RBBP8NL: variants seen among roughly 807,000 people sequenced by gnomAD.
The protein encoded by RBBP8NL is RBBP8 N-terminal like, also known as RBBP8 N-terminal-like protein.
Under a neutral mutation model 62.2 loss-of-function variants are expected in RBBP8NL, and 59 were observed. The ratio of observed to expected loss-of-function variants is 0.95; its 90% CI spans 0.77 to 1.18. The LOEUF (loss-of-function observed/expected upper bound fraction) is 1.18. Ranked by LOEUF, RBBP8NL falls within the 50% of genes most tolerant of loss-of-function variation. The pLI is 0.00. For missense variants in RBBP8NL, 896 were observed against 899.5 expected (o/e 1.00, Z 0.05); for synonymous variants, 412 against 394.1 (o/e 1.05, Z -0.54).
At chr20:62,422,453 C>T (rs1031556071) in intron 1 of RBBP8NL, among the ~76,000 whole-genome samples, 2 of 146,568 alleles carry the variant, frequency 1.4e-5, no homozygotes, top group East Asian at 2.0e-4. Context: ...AGGTGGTGGG[C>T]GTCTTTGGGG....
At chr20:62,417,817 C>T (rs546782034) in intron 3 of RBBP8NL, among the ~76,000 whole-genome samples, 5 of 86,602 alleles carry the variant, frequency 5.8e-5, no homozygotes, top group African/African-American at 2.4e-4. Context: ...GTCCTGTCCA[C>T]GCAACGCCCC....
At position 62,411,969 on chromosome 20, in the gene RBBP8NL, C is replaced by T. The variant is rs192252911; in HGVS notation, c.1876+655G>A. On this transcript the variant is annotated intron_variant, in intron 13 of 13. Transcript: ENST00000252998. ...AACCAGGGCCATACAATTAGGTGTT[C>T]AAAGTCTCTCATGGGCTCCTGGACC... Among the ~76,000 whole-genome samples the T allele has an allele frequency of 9.8e-5, 15 of 152,372 alleles. No homozygotes were observed. In the East Asian group the frequency reaches 2.5e-3, roughly 25 times the overall value.
At chr20:62,426,733 C>G (rs150959921) in intron 1 of RBBP8NL, among the ~76,000 whole-genome samples, 1 of 152,220 alleles carries the variant, frequency 6.6e-6, no homozygotes, top group African/African-American at 2.4e-5. Flanking sequence ...GCAGGGCCCC[C>G]GGGACAGCTG....
chr20:62,426,054 A>G (rs1230065900), intron 1 of RBBP8NL, among the ~76,000 whole-genome samples: 2 of 150,812 alleles, frequency 1.3e-5, no homozygotes, highest in Non-Finnish European at 3.0e-5. Flanking sequence ...CAGTGGTAGC[A>G]GTAGCAGTGG....
At chr20:62,418,957 G>A (rs969772864) in intron 2 of RBBP8NL, among the ~76,000 whole-genome samples, 4 of 152,172 alleles carry the variant, frequency 2.6e-5, no homozygotes, top group African/African-American at 9.7e-5. Context: ...CCTCCAGGTG[G>A]GTGTGGGTGC....
chr20:62,427,066 C>A (rs1291139105), intron 1 of RBBP8NL, among the ~76,000 whole-genome samples: 1 of 152,234 alleles, frequency 6.6e-6, no homozygotes, highest in Non-Finnish European at 1.5e-5. Flanking sequence ...ACCACCCTCA[C>A]CCCTGTGGCT....
chr20:62,415,450 G>A (rs759363914), intron 8 of RBBP8NL, 128 bp downstream of exon 8: 32 of 1,377,400 alleles, frequency 2.3e-5, no homozygotes, highest in South Asian at 3.7e-5. Flanking sequence ...GCTCCTGCCC[G>A]GGACAAAGGA....
intron 2 of RBBP8NL, 150 bp downstream of exon 2, chr20:62,419,437 G>A: frequency 1.3e-6 from 1 of 761,536 alleles, no homozygotes. Flanking sequence ...CTTGGGTCAG[G>A]ACTCCCCTGC....
chr20:62,413,490 G>A lies in RBBP8NL; in HGVS notation c.1586C>T (p.Thr529Ile), dbSNP rs1988482944. 6.6e-7 allele frequency: 1 copy of A among 1,510,406 alleles called. No homozygotes were observed. The highest frequency in any genetic ancestry group is 8.8e-7 in the Non-Finnish European group (1 of 1,136,346). 93.6% of individuals were successfully genotyped at this position (1,510,406 alleles called of 1,614,324 possible). A position where few individuals can be genotyped will look rare whatever the true frequency, so the allele number is the denominator to read the frequency against. ...AGGCCTCCCTGTGTCTTCATCTTCT[G>A]TACTGCCTGGAGAGGACAGGCTGAG... Reference protein sequence around the residue: ...SQLSLSSPGSTEDEDTGRPLP... With the variant: ...SQLSLSSPGSIEDEDTGRPLP... The change falls in exon 11 of 14, where the codon ACA (threonine) becomes ATA (isoleucine). Residue 529 changes from threonine to isoleucine, a missense_variant. Physicochemically the swap from Thr to Ile is moderately conservative, Grantham distance 89 (BLOSUM62 -1). Coordinates refer to ENST00000252998, the MANE Select transcript of RBBP8NL (RefSeq NM_080833.3).
Position 62,413,912 on chromosome 20 carries a change from T to G in RBBP8NL, c.1439A>C (p.Gln480Pro). Residue 480 changes from glutamine (Q) to proline (P), a missense_variant, in exon 10 of 14, where the codon CAG (glutamine) becomes CCG (proline). By Grantham distance (76) the Gln-to-Pro change is moderately conservative. Transcript: ENST00000252998. ...AHTASPEPPT[Q>P]SGPLTRSPQA... ...GGGACTGCGAGTCAGGGGTCCGGACTGGGTGGGTGGCTCGGGGCTGGCAGT... is the reference window on the plus strand; with the variant it reads ...GGGACTGCGAGTCAGGGGTCCGGACGGGGTGGGTGGCTCGGGGCTGGCAGT... The G allele has an allele frequency of 2.5e-6, 4 of 1,593,282 alleles. No homozygotes were observed.
In RBBP8NL at chr20:62,412,742, G is replaced by C. The variant is rs756730724; in HGVS notation, c.1758C>G (p.Ser586Arg). The C allele has an allele frequency of 6.2e-6, 10 of 1,612,162 alleles. No homozygotes were observed. In the African/African-American group the frequency reaches 9.3e-5, roughly 15 times the overall value. Residue 586 changes from serine to arginine, a missense_variant, in exon 13 of 14, where the codon AGC (serine) becomes AGG (arginine). By Grantham distance (110) the Ser-to-Arg change is moderately radical. Transcript: ENST00000252998. ...TGCTCGTAGTGGCCTCCGCCTGGGA[G>C]CTCAGGCCCACCTGGGGAGAAGGGG... ...TDTPGSEVGL[S>R]SQAEATTSTT...
At chr20:62,417,086 T>G (rs1034221038) in intron 4 of RBBP8NL, 138 bp downstream of exon 4, 2 of 716,584 alleles carry the variant, frequency 2.8e-6, no homozygotes, top group Non-Finnish European at 4.6e-6. Context: ...GGCTCTGAGA[T>G]GTCCTGCAGT....
rs756436131 is a variant in RBBP8NL at position 62,415,317 on chromosome 20, G to A, written c.628-30C>T. On this transcript the variant is annotated intron_variant, in intron 8 of 13. Coordinates refer to ENST00000252998, the MANE Select transcript of RBBP8NL (RefSeq NM_080833.3). ...GAGGATGGGTGGGTCAGCCTGGGCG[G>A]GGGCATGCGTGGCCTCTGCTGTGGC... 9.7e-6 allele frequency: 15 copies of A among 1,550,166 alleles called. No homozygotes were observed. The South Asian group carries it at 1.8e-4, about 18-fold the overall frequency.
chr20:62,416,293 G>GGGGGGGGC, intron 5 of RBBP8NL, 57 bp from the exon 6 acceptor site: 3 of 701,044 alleles, frequency 4.3e-6, no homozygotes, highest in Non-Finnish European at 4.9e-6. Context: ...AGGGGCAGGG[G>GGGGGGGGC]TGGGGTCGTC....
At chr20:62,422,612 ATGGGGCCCGGAGTGGGG>A (rs1988727819) in intron 1 of RBBP8NL, among the ~76,000 whole-genome samples, 1 of 84,704 alleles carries the variant, frequency 1.2e-5, no homozygotes. Flanking sequence ...TGGGGTGGGG[ATGGGGCCCGGAGTGGGG>A]ATGGGGCCCG....
chr20:62,415,316 G>A (rs1389878857), intron 8 of RBBP8NL, 29 bp from the exon 9 acceptor site: 6 of 1,549,648 alleles, frequency 3.9e-6, no homozygotes, highest in East Asian at 2.4e-5. Flanking sequence ...CAGCCTGGGC[G>A]GGGGCATGCG....
At chr20:62,426,693 C>T (rs1392234728) in intron 1 of RBBP8NL, among the ~76,000 whole-genome samples, 2 of 152,248 alleles carry the variant, frequency 1.3e-5, no homozygotes, top group African/African-American at 2.4e-5. Flanking sequence ...GGTGGTGAGC[C>T]CTGACCCAGG....
At position 62,410,963 on chromosome 20, in the gene RBBP8NL, A is replaced by C. The variant is rs2236200; in HGVS notation, c.1910T>G (p.Leu637Arg). The C allele has an allele frequency of 0.23, 370,438 of 1,611,594 alleles. 45,433 individuals are homozygous for C. Among genetic ancestry groups the C allele is most frequent in the Non-Finnish European group, 0.26 (301,806 of 1,178,016 alleles). The change falls in exon 14 of 14, where the codon CTG (leucine) becomes CGG (arginine). Residue 637 changes from leucine (L) to arginine (R), a missense_variant. Transcript: ENST00000252998. ...SKKPSRGRRK[L>R]TATEGPGSPR... ...GCTCCCGGGCCCCTCAGTGGCTGTCAGTTTCCTTCTCCCTCTGGATGGCTT... is the reference window on the plus strand; with the variant it reads ...GCTCCCGGGCCCCTCAGTGGCTGTCCGTTTCCTTCTCCCTCTGGATGGCTT...
Position 62,413,760 on chromosome 20 carries a change from G to A in RBBP8NL, c.1530+61C>T, listed in dbSNP as rs558090093. 1.2e-4 allele frequency: 187 copies of A among 1,515,696 alleles called. 3 individuals are homozygous for A. The East Asian group carries it at 2.8e-3, about 23-fold the overall frequency. 93.9% of individuals were successfully genotyped at this position (1,515,696 alleles called of 1,614,324 possible). ...GCAGCCCGAGGTCTGGGGGGAGGCC[G>A]GCCCGGGGTGGGGGACGTGGAGGCT... is the stretch of plus-strand genomic sequence containing the variant. On this transcript the variant is annotated intron_variant, in intron 10 of 13. Transcript: ENST00000252998.
Sources: allele counts gnomAD v4.1 joint callset (sites outside exome capture counted in the v4.1 genomes callset), GRCh38; gene constraint gnomAD v4.1.1; transcripts MANE v1.5; gene names NCBI Gene and HGNC (gene_info 2026-07-23, HGNC 2026-07-21).